MTX2: variants seen among roughly 807,000 people sequenced by gnomAD.
The protein encoded by MTX2 is metaxin-2.
Under a neutral mutation model 42.3 loss-of-function variants are expected in MTX2, and 35 were observed. The ratio of observed to expected loss-of-function variants is 0.83; its 90% CI spans 0.63 to 1.10. The LOEUF is 1.10. Ranked by LOEUF, MTX2 falls within the 50% of genes least tolerant of loss-of-function variation. The pLI is 0.00. For synonymous variants in MTX2, 119 were observed against 100.9 expected, an observed-to-expected ratio of 1.18 and a Z score of -1.08; for missense variants, 307 against 304.1, an observed-to-expected ratio of 1.01 and a Z score of -0.07.
At chr2:176,270,411 T>C in intron 1 of MTX2, 1 of 1,362,384 alleles carries the variant, frequency 7.3e-7, no homozygotes. Context: ...ACATGACTGA[T>C]GTATATAGGT....
At chr2:176,308,329 T>C (rs962420553) in intron 3 of MTX2, among the ~76,000 whole-genome samples, 1 of 152,222 alleles carries the variant, frequency 6.6e-6, no homozygotes, top group South Asian at 2.1e-4. Flanking sequence ...GATTTTCGCA[T>C]TGATGTTCAT....
chr2:176,327,944 C>T (rs1348358940), intron 5 of MTX2, among the ~76,000 whole-genome samples: 1 of 150,986 alleles, frequency 6.6e-6, no homozygotes, highest in Non-Finnish European at 1.5e-5. Flanking sequence ...TCTTTGACCA[C>T]TTTATAAACA....
chr2:176,286,990 C>T (rs1010949049), intron 1 of MTX2, among the ~76,000 whole-genome samples: 2 of 152,198 alleles, frequency 1.3e-5, no homozygotes, highest in African/African-American at 4.8e-5. Context: ...AGAGATTATA[C>T]ACTGTCGTGT....
In MTX2 at chr2:176,297,878, G is replaced by A; in HGVS notation, c.118G>A (p.Ala40Thr). ...GCAAATTTTACTTTCTGACAATGCA[G>A]CTTCTCTTGCAGTGCAGGTAAATAT... ...GEQILLSDNA[A>T]SLAVQAFLQM... The change falls in exon 3 of 10, where the codon GCT becomes ACT. Residue 40 changes from alanine (A) to threonine (T), a missense_variant. Ala to Thr is a moderately conservative substitution (Grantham distance 58). Coordinates refer to ENST00000249442, the MANE Select transcript of MTX2 (RefSeq NM_006554.5). 1 of 1,559,022 alleles carries A rather than the reference G, an allele frequency of 6.4e-7. No individual in the cohort carries two copies. The highest frequency in any genetic ancestry group is 1.2e-5 in the South Asian group (1 of 81,190).
At chr2:176,335,818 C>T (rs1684974066) in intron 9 of MTX2, among the ~76,000 whole-genome samples, 1 of 151,984 alleles carries the variant, frequency 6.6e-6, no homozygotes, top group African/African-American at 2.4e-5. Flanking sequence ...TCAAGATGCT[C>T]CACATCCTGC....
chr2:176,329,891 G>GTCTA (rs565191523), intron 8 of MTX2, among the ~76,000 whole-genome samples: 2 of 149,690 alleles, frequency 1.3e-5, no homozygotes, highest in African/African-American at 4.9e-5. Context: ...CCGTCTGTCT[G>GTCTA]TCTATCTATC....
chr2:176,274,786 C>G (rs1037232715), intron 1 of MTX2, among the ~76,000 whole-genome samples: 3 of 152,136 alleles, frequency 2.0e-5, no homozygotes, highest in Admixed American at 1.3e-4. Context: ...TTAGGATACT[C>G]TCCCTTTTGA....
At chr2:176,303,781 AGTT>A (rs749295589) in intron 3 of MTX2, among the ~76,000 whole-genome samples, 10 of 152,190 alleles carry the variant, frequency 6.6e-5, no homozygotes, top group African/African-American at 9.6e-5. Flanking sequence ...TGGCTATAGG[AGTT>A]GTTGTTTTTA....
rs1275073229 is a variant in MTX2, at chr2:176,327,117, A to G, written c.285+216A>G. ...TATTAATGTCAAATTTATTAAAGGT[A>G]TGTAATTTTAATATCTAGTCTAAAG... is the stretch of plus-strand genomic sequence containing the variant. On this transcript the variant is annotated intron_variant, in intron 5 of 9. Coordinates refer to ENST00000249442, the MANE Select transcript of MTX2 (RefSeq NM_006554.5). Among the ~76,000 whole-genome samples, 7 of 151,288 alleles carry G rather than the reference A, an allele frequency of 4.6e-5. No individual in the cohort carries two copies. The South Asian group carries it at 1.4e-3, about 31-fold the overall frequency.
chr2:176,270,446 T>C (rs1265008524), intron 1 of MTX2: 1 of 1,320,854 alleles, frequency 7.6e-7, no homozygotes, highest in Non-Finnish European at 1.0e-6. Context: ...ATTGAGGTTT[T>C]TATTTATTGT....
At chr2:176,313,359 CA>C (rs1296230144) in intron 3 of MTX2, among the ~76,000 whole-genome samples, 1 of 147,644 alleles carries the variant, frequency 6.8e-6, no homozygotes, top group African/African-American at 2.5e-5. Context: ...ATCTTCTGCT[CA>C]TTAACTTCTT....
intron 5 of MTX2, 35 bp from the exon 6 acceptor site, chr2:176,328,258 T>G: frequency 7.4e-7 from 1 of 1,352,800 alleles, no homozygotes. Context: ...ATATTTAATA[T>G]GATGTTCTTT....
intron 3 of MTX2, among the ~76,000 whole-genome samples, chr2:176,301,572 T>C (rs1329871393): frequency 6.6e-6 from 1 of 152,126 alleles, no homozygotes; most frequent in Non-Finnish European, 1.5e-5. Context: ...GGTTAAACAG[T>C]GAGCTCAAAG....
chr2:176,310,132 C>T (rs1684265750), intron 3 of MTX2, among the ~76,000 whole-genome samples: 1 of 152,100 alleles, frequency 6.6e-6, no homozygotes, highest in African/African-American at 2.4e-5. Flanking sequence ...ATTTGCTTGT[C>T]TGTAAAGGAT....
intron 1 of MTX2, among the ~76,000 whole-genome samples, chr2:176,288,667 G>T (rs1404480691): frequency 6.6e-6 from 1 of 151,426 alleles, no homozygotes; most frequent in Non-Finnish European, 1.5e-5. Flanking sequence ...GGTTTGTGTA[G>T]AGTTATTATA....
chr2:176,328,818 T>C, intron 6 of MTX2, 56 bp from the exon 7 acceptor site: 1 of 1,544,288 alleles, frequency 6.5e-7, no homozygotes, highest in Non-Finnish European at 8.9e-7. Flanking sequence ...AATAACTTTC[T>C]TTATCCTTTT....
At chr2:176,294,818 C>T (rs7576061) in intron 1 of MTX2, among the ~76,000 whole-genome samples, 381 of 152,254 alleles carry the variant, frequency 2.5e-3, no homozygotes, top group African/African-American at 8.9e-3. Flanking sequence ...AATTTTAACA[C>T]AGTAATACAG....
intron 3 of MTX2, among the ~76,000 whole-genome samples, chr2:176,312,414 T>C (rs996311907): frequency 2.0e-5 from 3 of 152,194 alleles, no homozygotes; most frequent in Non-Finnish European, 4.4e-5. Context: ...CTTCTGTCAG[T>C]TCATTTATCA....
chr2:176,319,136 A>AGTTC (rs1333322993), intron 3 of MTX2, among the ~76,000 whole-genome samples: 1 of 152,164 alleles, frequency 6.6e-6, no homozygotes, highest in African/African-American at 2.4e-5. Flanking sequence ...AGTTGTTCCA[A>AGTTC]GTTCATTATT....
Sources: allele counts gnomAD v4.1 joint callset (sites outside exome capture counted in the v4.1 genomes callset), GRCh38; gene constraint gnomAD v4.1.1; transcripts MANE v1.5; gene names NCBI Gene and HGNC (gene_info 2026-07-23, HGNC 2026-07-21).